The following MICU3 variants were observed in gnomAD, a reference collection of about 807,000 sequenced individuals.
MICU3 encodes mitochondrial calcium uptake 3, also known as calcium uptake protein 3, mitochondrial.
MICU3 carries 62 observed loss-of-function variants against 66.5 expected under a neutral mutation model. The ratio of observed to expected loss-of-function variants is 0.93; its 90% CI spans 0.76 to 1.15. The LOEUF (loss-of-function observed/expected upper bound fraction) is 1.15. MICU3 is among the 50% of genes most tolerant of loss of function. The probability of loss-of-function intolerance (pLI) is 0.00; values close to 1 mark genes in which losing one functional copy is unlikely to be tolerated. For synonymous variants in MICU3, 308 were observed against 240.7 expected, an observed-to-expected ratio of 1.28 and a Z score of -2.59; for missense variants, 779 against 664.4, an observed-to-expected ratio of 1.17 and a Z score of -1.90.
At chr8:17,041,206 A>G (rs964877433) in intron 1 of MICU3, among the ~76,000 whole-genome samples, 2 of 152,100 alleles carry the variant, frequency 1.3e-5, no homozygotes, top group Admixed American at 6.6e-5. Context: ...GTGAGCATCC[A>G]TTACTTAAAG....
At position 17,027,387 on chromosome 8, in the gene MICU3, G is replaced by T; in HGVS notation, c.108G>T (p.Leu36=). ...GGGGGCGGCCTGCGGTGACCACCCT[G>T]GGCCTTCCTGGCCGGCCCTTCTCCT... ...GPWGRPAVTT[L]GLPGRPFSSR... Residue 36 remains leucine, a synonymous_variant, in exon 1 of 15, where the codon CTG becomes CTT. Transcript: ENST00000318063. 1 of 1,455,164 alleles carries T rather than the reference G, an allele frequency of 6.9e-7. No individual in the cohort carries two copies. The allele number at this position is 1,455,164 out of a possible 1,614,324, so 90.1% of individuals were successfully genotyped here.
intron 1 of MICU3, among the ~76,000 whole-genome samples, chr8:17,032,605 A>T (rs958792914): frequency 1.3e-5 from 2 of 152,112 alleles, no homozygotes; most frequent in African/African-American, 4.8e-5. Context: ...CCTTTACCAT[A>T]TGTTTTCCAG....
intron 1 of MICU3, among the ~76,000 whole-genome samples, chr8:17,032,801 G>A (rs894288686): frequency 3.3e-5 from 5 of 152,116 alleles, no homozygotes; most frequent in African/African-American, 9.7e-5. Flanking sequence ...AAATCAGTTG[G>A]CACCATTTTT....
At chr8:17,129,999 G>A in the MICU3 span, among the ~76,000 whole-genome samples, 1 of 152,232 alleles carries the variant, frequency 6.6e-6, no homozygotes, top group South Asian at 2.1e-4. Flanking sequence ...AACTGGAATA[G>A]TATATTCAGT....
rs760198417 is a variant in MICU3, at chr8:17,090,597, C to T, written c.888+13C>T. On this transcript the variant is annotated intron_variant, in intron 8 of 14. Coordinates refer to ENST00000318063, the MANE Select transcript of MICU3 (RefSeq NM_181723.3). ...TCCTACTAATAGTGTATGTACAATACTTTAAATGTTCTTTATGTATATAGC... is the reference window on the plus strand; with the variant it reads ...TCCTACTAATAGTGTATGTACAATATTTTAAATGTTCTTTATGTATATAGC... The T allele has an allele frequency of 2.5e-6, 4 of 1,592,660 alleles. No individual in the cohort carries two copies. The highest frequency in any genetic ancestry group is 3.4e-6 in the Non-Finnish European group (4 of 1,165,514).
At chr8:17,031,556 G>A (rs1237489969) in intron 1 of MICU3, among the ~76,000 whole-genome samples, 3 of 151,826 alleles carry the variant, frequency 2.0e-5, no homozygotes, top group Admixed American at 1.3e-4. Context: ...AAAGTGCTGG[G>A]AATACAGTCG....
intron 1 of MICU3, among the ~76,000 whole-genome samples, chr8:17,051,800 G>C (rs1025374011): frequency 5.3e-5 from 8 of 152,076 alleles, no homozygotes; most frequent in Non-Finnish European, 1.2e-4. Context: ...GATCAAAAGA[G>C]AATGAGAGGA....
At chr8:17,118,562 C>G (rs1426125557) in intron 13 of MICU3, 145 bp from the exon 14 acceptor site, 6 of 467,042 alleles carry the variant, frequency 1.3e-5, no homozygotes, top group African/African-American at 4.0e-5. Flanking sequence ...CCTTTCCTCC[C>G]CAGTCCCCCA....
chr8:17,085,607 A>G (rs1331251690), intron 6 of MICU3, among the ~76,000 whole-genome samples: 1 of 152,090 alleles, frequency 6.6e-6, no homozygotes, highest in East Asian at 1.9e-4. Flanking sequence ...TCCTCAGGTT[A>G]TACATGCCCA....
At chr8:17,052,659 TC>T (rs1816288969) in intron 1 of MICU3, among the ~76,000 whole-genome samples, 3 of 152,204 alleles carry the variant, frequency 2.0e-5, no homozygotes, top group Non-Finnish European at 2.9e-5. Flanking sequence ...TGTGTGTATT[TC>T]CACACAGACG....
chr8:17,103,858 A>G (rs1353462232), intron 9 of MICU3, among the ~76,000 whole-genome samples: 1 of 151,958 alleles, frequency 6.6e-6, no homozygotes, highest in African/African-American at 2.4e-5. Flanking sequence ...CTTTCCAAAT[A>G]CAGTATCCAT....
chr8:17,127,193 A>G (rs561119187), downstream of MICU3, among the ~76,000 whole-genome samples: 5 of 152,212 alleles, frequency 3.3e-5, no homozygotes, highest in Non-Finnish European at 5.9e-5. Flanking sequence ...AAAATCTATG[A>G]AAAGCACCCT....
chr8:17,137,306 G>A, the MICU3 span, among the ~76,000 whole-genome samples: 1 of 151,836 alleles, frequency 6.6e-6, no homozygotes, highest in Non-Finnish European at 1.5e-5. Context: ...TTTAAAACTG[G>A]CATTGCCCAA....
intron 3 of MICU3, among the ~76,000 whole-genome samples, chr8:17,074,334 A>G (rs1016362682): frequency 6.6e-6 from 1 of 152,134 alleles, no homozygotes; most frequent in African/African-American, 2.4e-5. Context: ...CATATAGACA[A>G]TATCTCTTTT....
At chr8:17,136,770 C>G in the MICU3 span, among the ~76,000 whole-genome samples, 2 of 152,080 alleles carry the variant, frequency 1.3e-5, no homozygotes, top group East Asian at 1.9e-4. Context: ...CCATTCTACC[C>G]TAGGCTGGCA....
intron 2 of MICU3, among the ~76,000 whole-genome samples, chr8:17,065,997 G>A (rs1818620255): frequency 6.6e-6 from 1 of 151,764 alleles, no homozygotes; most frequent in South Asian, 2.1e-4. Context: ...ACAGTATATG[G>A]TATAGTCATA....
At chr8:17,064,471 T>TTATAAAA (rs1818369266) in intron 2 of MICU3, among the ~76,000 whole-genome samples, 2 of 152,182 alleles carry the variant, frequency 1.3e-5, no homozygotes, top group Admixed American at 6.5e-5. Context: ...ATCTTACTTT[T>TTATAAAA]GATACTCTTT....
At chr8:17,105,285 T>C (rs1801644792) in intron 10 of MICU3, 128 bp from the exon 11 acceptor site, 2 of 579,798 alleles carry the variant, frequency 3.4e-6, no homozygotes, top group East Asian at 6.4e-5. Flanking sequence ...GGAGGAACTT[T>C]ATTAATCTTT....
intron 9 of MICU3, among the ~76,000 whole-genome samples, chr8:17,103,706 A>G (rs1189058676): frequency 6.6e-6 from 1 of 151,946 alleles, no homozygotes; most frequent in South Asian, 2.1e-4. Flanking sequence ...TTTTAAGAAA[A>G]TACTTAGAAC....
Sources: gnomAD v4.1 joint callset for allele counts (sites outside exome capture counted in the v4.1 genomes callset) on GRCh38, gnomAD v4.1.1 for gene constraint, MANE v1.5 for transcripts, NCBI Gene and HGNC (gene_info 2026-07-23, HGNC 2026-07-21) for gene names.